NRG1: variants seen among roughly 807,000 people sequenced by gnomAD.
The protein encoded by NRG1 is pro-neuregulin-1, membrane-bound isoform.
NRG1 carries 18 observed loss-of-function variants against 63.8 expected under a neutral mutation model. The ratio of observed to expected loss-of-function variants is 0.28; its 90% CI spans 0.19 to 0.42. The LOEUF (loss-of-function observed/expected upper bound fraction) is 0.42, where lower values mean the gene tolerates loss of function less well. Among genes scored for constraint, NRG1 ranks in the 10% least tolerant of loss-of-function variants. The probability of loss-of-function intolerance (pLI) is 1.00; values close to 1 mark genes in which losing one functional copy is unlikely to be tolerated. For missense variants in NRG1, 762 were observed against 814.7 expected (o/e 0.94, Z 0.79); for synonymous variants, 302 against 301.3 (o/e 1.00, Z -0.02).
intron 1 of NRG1, among the ~76,000 whole-genome samples, chr8:32,120,239 A>T (rs1415315354): frequency 6.6e-6 from 1 of 152,126 alleles, no homozygotes; most frequent in African/African-American, 2.4e-5. Context: ...CTACATTTAT[A>T]TTAGAAAACT....
Position 31,640,684 on chromosome 8 carries a change from C to G in NRG1, c.37+1253C>G, listed in dbSNP as rs1184675262. 1 of 1,606,664 alleles carries G rather than the reference C, an allele frequency of 6.2e-7. No individual in the cohort carries two copies. The highest frequency in any genetic ancestry group is 8.5e-7 in the Non-Finnish European group (1 of 1,177,474). ...CTCTTTCCCCCCTCTGGAGACGGGCCGGAACCTCAAGAAGGAGGTCAGCCG... is the reference window on the plus strand; with the variant it reads ...CTCTTTCCCCCCTCTGGAGACGGGCGGGAACCTCAAGAAGGAGGTCAGCCG... On this transcript the variant is annotated intron_variant, in intron 1 of 10. Coordinates refer to the NRG1 transcript ENST00000519301. The surrounding 1 kb of genome is among the most constrained non-coding windows in gnomAD (Gnocchi z 6.3).
chr8:31,995,625 G>T (rs1811844173), intron 1 of NRG1, among the ~76,000 whole-genome samples: 1 of 151,824 alleles, frequency 6.6e-6, no homozygotes, highest in Admixed American at 6.6e-5. Context: ...TCGTTGGGCG[G>T]GGAGGGGGCT....
intron 1 of NRG1, among the ~76,000 whole-genome samples, chr8:32,398,099 G>C (rs1261984180): frequency 4.6e-5 from 7 of 152,164 alleles, no homozygotes; most frequent in African/African-American, 1.4e-4. Flanking sequence ...TGTGATTGTT[G>C]AGCAGGGAAA....
intron 1 of NRG1, among the ~76,000 whole-genome samples, chr8:31,705,029 T>TTTTTG (rs547632253): frequency 1.3e-3 from 196 of 151,740 alleles, no homozygotes; most frequent in African/African-American, 4.2e-3. Flanking sequence ...GAGCAAGGTT[T>TTTTTG]TTTTGTTTTG....
Position 31,912,146 on chromosome 8 carries a change from T to C in NRG1, c.37+272715T>C, listed in dbSNP as rs546063298. On this transcript the variant is annotated intron_variant, in intron 1 of 10. Transcript: ENST00000519301. ...CTTATTTTTATTAATATTAGCATATTGGGAGTAAGCACAGGGCCAAATGCA... is the reference window on the plus strand; with the variant it reads ...CTTATTTTTATTAATATTAGCATATCGGGAGTAAGCACAGGGCCAAATGCA... Among the ~76,000 whole-genome samples, 30 of 152,312 alleles carry C rather than the reference T, an allele frequency of 2.0e-4. No individual in the cohort carries two copies. In the South Asian group the frequency reaches 3.3e-3, roughly 17 times the overall value.
intron 1 of NRG1, among the ~76,000 whole-genome samples, chr8:31,917,900 T>G (rs1833547029): frequency 6.6e-6 from 1 of 152,160 alleles, no homozygotes; most frequent in African/African-American, 2.4e-5. Context: ...GGTTTGTAGT[T>G]CTCCTTGAAG....
chr8:31,876,389 A>G (rs1829925164), intron 1 of NRG1, among the ~76,000 whole-genome samples: 1 of 152,174 alleles, frequency 6.6e-6, no homozygotes, highest in South Asian at 2.1e-4. Flanking sequence ...AAATCCTTCA[A>G]AAGCTTTCTA....
chr8:32,321,442 T>C (rs1037365370), intron 1 of NRG1, among the ~76,000 whole-genome samples: 28 of 150,800 alleles, frequency 1.9e-4, no homozygotes, highest in African/African-American at 6.3e-4. Flanking sequence ...CTCTTTAACC[T>C]TGTAAGATTA....
At chr8:31,827,928 A>T (rs919268231) in intron 1 of NRG1, among the ~76,000 whole-genome samples, 3 of 152,166 alleles carry the variant, frequency 2.0e-5, no homozygotes, top group Non-Finnish European at 4.4e-5. Flanking sequence ...AATTAGTCTT[A>T]CCTCAGGGTT....
At chr8:32,095,101 AG>A (rs550820078) in intron 1 of NRG1, among the ~76,000 whole-genome samples, 17 of 152,144 alleles carry the variant, frequency 1.1e-4, no homozygotes, top group Non-Finnish European at 1.9e-4. Flanking sequence ...TAGTAGAGAC[AG>A]GGTTTCACCA....
At chr8:31,773,823 GT>G (rs1298849576) in intron 1 of NRG1, among the ~76,000 whole-genome samples, 1 of 152,032 alleles carries the variant, frequency 6.6e-6, no homozygotes, top group Non-Finnish European at 1.5e-5. Flanking sequence ...CCTTCTCTGA[GT>G]TTTTTATGAC....
intron 1 of NRG1, among the ~76,000 whole-genome samples, chr8:32,422,356 G>T (rs1816797011): frequency 6.6e-6 from 1 of 152,036 alleles, no homozygotes; most frequent in East Asian, 1.9e-4. Context: ...ATCATTGATA[G>T]TTTCCCATTT....
intron 1 of NRG1, among the ~76,000 whole-genome samples, chr8:32,520,830 T>C (rs2129505574): frequency 6.6e-6 from 1 of 152,306 alleles, no homozygotes; most frequent in African/African-American, 2.4e-5. Flanking sequence ...GCCCATCCTG[T>C]TCTGTCCCTC....
intron 1 of NRG1, among the ~76,000 whole-genome samples, chr8:32,081,128 C>T (rs914432450): frequency 6.6e-6 from 1 of 152,158 alleles, no homozygotes; most frequent in Non-Finnish European, 1.5e-5. Flanking sequence ...TTCAGAATAA[C>T]GTTTGACAAA....
At chr8:32,608,092 G>GTTTTTTTTTTTTTTTT (rs1226154193) in intron 3 of NRG1, among the ~76,000 whole-genome samples, 6 of 106,144 alleles carry the variant, frequency 5.7e-5, no homozygotes, top group African/African-American at 1.7e-4. Flanking sequence ...GGTTTTTTTT[G>GTTTTTTTTTTTTTTTT]TTTTTTTTTT....
intron 1 of NRG1, among the ~76,000 whole-genome samples, chr8:31,887,286 G>A (rs775032934): frequency 8.2e-4 from 125 of 152,062 alleles, no homozygotes; most frequent in Non-Finnish European, 1.1e-3. Flanking sequence ...CAGAATTAGA[G>A]TACAGTATTT....
chr8:32,738,334 A>G (rs1825593845), intron 6 of NRG1, among the ~76,000 whole-genome samples: 1 of 152,124 alleles, frequency 6.6e-6, no homozygotes, highest in Admixed American at 6.6e-5. Flanking sequence ...AATATAGAAC[A>G]AACATGATCA....
chr8:31,921,907 A>G (rs561103341), intron 1 of NRG1, among the ~76,000 whole-genome samples: 26 of 152,264 alleles, frequency 1.7e-4, no homozygotes, highest in African/African-American at 6.0e-4. Flanking sequence ...AGACTTTGTT[A>G]ATTTTCTTAA....
At chr8:31,948,762 C>T (rs143260107) in intron 1 of NRG1, among the ~76,000 whole-genome samples, 77 of 62,204 alleles carry the variant, frequency 1.2e-3, no homozygotes, top group African/African-American at 5.2e-3. Context: ...AAATAAGAGG[C>T]GACTTGGCAG....
Sources: allele counts gnomAD v4.1 joint callset (sites outside exome capture counted in the v4.1 genomes callset), GRCh38; gene constraint gnomAD v4.1.1; non-coding constraint Gnocchi (gnomAD v3.1); transcripts MANE v1.5; gene names NCBI Gene and HGNC (gene_info 2026-07-23, HGNC 2026-07-21).